The following RCBTB1 variants were observed in gnomAD, a reference collection of about 807,000 sequenced individuals.
The protein encoded by RCBTB1 is RCC1 and BTB domain containing protein 1.
In RCBTB1, 46 loss-of-function variants were observed where a neutral mutation model predicts 62.4. The observed-to-expected ratio is 0.74, with a 90% CI of 0.58 to 0.94. The LOEUF (loss-of-function observed/expected upper bound fraction) is 0.94, where lower values mean the gene tolerates loss of function less well. RCBTB1 is among the 40% of genes least tolerant of loss of function. RCBTB1 has a pLI of 0.00. For synonymous variants in RCBTB1, 222 were observed against 245.8 expected (o/e 0.90, Z 0.91); for missense variants, 565 against 654.9 (o/e 0.86, Z 1.50).
In RCBTB1 at chr13:49,560,112, A is replaced by G; in HGVS notation, c.278-28T>C. The G allele has an allele frequency of 2.5e-6, 4 of 1,603,838 alleles. No homozygotes were observed. The South Asian group carries it at 4.5e-5, about 18-fold the overall frequency. On this transcript the variant is annotated intron_variant, in intron 4 of 12. Transcript: ENST00000378302. Reference sequence around the variant, plus strand: ...GTGCACACAAAGCACACAAAAAATCAGCTCCAAAAAGAAATAGTAACCCTG... The same window carrying G: ...GTGCACACAAAGCACACAAAAAATCGGCTCCAAAAAGAAATAGTAACCCTG...
At position 49,534,005 on chromosome 13, in the gene RCBTB1, G is replaced by A; in HGVS notation, c.*117C>T. The A allele has an allele frequency of 1.7e-6, 2 of 1,163,136 alleles. No individual in the cohort carries two copies. The highest frequency in any genetic ancestry group is 2.4e-6 in the Non-Finnish European group (2 of 831,974). 72.1% of individuals were successfully genotyped at this position (1,163,136 alleles called of 1,614,324 possible). ...CACAAACAACTGTGTCCCAGATGTG[G>A]AAAAAAACAACCTGATGGTCTTTTA... On this transcript the variant is annotated 3_prime_UTR_variant, in exon 13 of 13. Coordinates refer to ENST00000378302, the MANE Select transcript of RCBTB1 (RefSeq NM_018191.4).
chr13:49,544,692 A>T, intron 10 of RCBTB1, 45 bp downstream of exon 10: 2 of 1,539,796 alleles, frequency 1.3e-6, no homozygotes, highest in Non-Finnish European at 1.8e-6. Context: ...ATAACAAAGA[A>T]AGAAAAGTCA....
chr13:49,535,029 T>G (rs1023374629), intron 12 of RCBTB1, among the ~76,000 whole-genome samples: 1 of 152,148 alleles, frequency 6.6e-6, no homozygotes, highest in African/African-American at 2.4e-5. Flanking sequence ...GCAGAGGCTC[T>G]GAAAGAAAAT....
In RCBTB1 at chr13:49,551,269, C is replaced by T. The variant is rs1037684630; in HGVS notation, c.854+57G>A. 5.7e-6 allele frequency: 9 copies of T among 1,591,294 alleles called. No homozygotes were observed. In the African/African-American group the frequency reaches 1.1e-4, roughly 19 times the overall value. ...AGCCAAACACCACAGCTCTGCCACA[C>T]ACAGCCCCAAGGCCACATCGCACAC... On this transcript the variant is annotated intron_variant, in intron 8 of 12. Coordinates refer to ENST00000378302, the MANE Select transcript of RCBTB1 (RefSeq NM_018191.4).
rs996152953 is a variant in RCBTB1, at chr13:49,533,929, G to T, written c.*193C>A. 17 of 485,460 alleles carry T rather than the reference G, an allele frequency of 3.5e-5. No homozygotes were observed. Among genetic ancestry groups the T allele is most frequent in the Non-Finnish European group, 5.4e-5 (15 of 277,836 alleles). 30.1% of individuals were successfully genotyped at this position (485,460 alleles called of 1,614,324 possible). A position where few individuals can be genotyped will look rare whatever the true frequency, so the allele number is the denominator to read the frequency against. ...TAAAATACACTTATCTGGAAACAAG[G>T]GTTGTTTAAAATGGGCTCAAGAAAA... On this transcript the variant is annotated 3_prime_UTR_variant, in exon 13 of 13. Coordinates refer to ENST00000378302, the MANE Select transcript of RCBTB1 (RefSeq NM_018191.4).
chr13:49,540,730 G>T (rs1233421192), intron 12 of RCBTB1, 146 bp downstream of exon 12: 11 of 772,614 alleles, frequency 1.4e-5, no homozygotes, highest in Non-Finnish European at 2.2e-5. Context: ...AAGAAGCAAG[G>T]GCAGATTTCA....
intron 9 of RCBTB1, chr13:49,546,802 T>C (rs567598851): frequency 1.8e-5 from 4 of 223,872 alleles, no homozygotes; most frequent in Admixed American, 6.5e-5. Flanking sequence ...GGAGCAGCTG[T>C]AAATACAGAT....
At chr13:49,558,329 C>A (rs1438519682) in intron 5 of RCBTB1, among the ~76,000 whole-genome samples, 1 of 152,032 alleles carries the variant, frequency 6.6e-6, no homozygotes, top group African/African-American at 2.4e-5. Context: ...CACATGCAAC[C>A]CTGAACTGGA....
chr13:49,574,928 TACA>T (rs80006341), intron 2 of RCBTB1, among the ~76,000 whole-genome samples: 33,770 of 151,980 alleles, frequency 0.22, 4,595 homozygotes, highest in East Asian at 0.55. Flanking sequence ...TTCTGATACA[TACA>T]ACAACAGGGA....
At chr13:49,544,652 G>T (rs1454578351) in intron 10 of RCBTB1, 85 bp downstream of exon 10, 50 of 1,110,288 alleles carry the variant, frequency 4.5e-5, no homozygotes, top group Non-Finnish European at 6.3e-5. Context: ...TACTACCAAG[G>T]CTATTTTTTA....
At chr13:49,554,698 T>C (rs1961697807) in intron 6 of RCBTB1, among the ~76,000 whole-genome samples, 1 of 152,188 alleles carries the variant, frequency 6.6e-6, no homozygotes, top group Admixed American at 6.5e-5. Flanking sequence ...ACAAGGCATC[T>C]AGGCTGTGCG....
At position 49,565,264 on chromosome 13, in the gene RCBTB1, G is replaced by C. The variant is rs1962839346; in HGVS notation, c.277+1354C>G. ...GCTCCTAACCGCGAGTGATCTGCCA[G>C]CCTCGGCCTCCCGAGGTGCCGAGAT... On this transcript the variant is annotated intron_variant, in intron 4 of 12. Coordinates refer to ENST00000378302, the MANE Select transcript of RCBTB1 (RefSeq NM_018191.4). 3.3e-5 allele frequency among the ~76,000 whole-genome samples: 5 copies of C among 152,326 alleles called. No homozygotes were observed. In the South Asian group the frequency reaches 1.0e-3, roughly 32 times the overall value.
At chr13:49,551,924 G>A (rs894017778) in intron 7 of RCBTB1, among the ~76,000 whole-genome samples, 4 of 142,788 alleles carry the variant, frequency 2.8e-5, no homozygotes, top group Middle Eastern at 3.8e-3. Flanking sequence ...AAAAGCATTA[G>A]AAAAGCCTAA....
At chr13:49,549,131 CAATA>C (rs1961093297) in intron 9 of RCBTB1, among the ~76,000 whole-genome samples, 1 of 70,150 alleles carries the variant, frequency 1.4e-5, no homozygotes, top group South Asian at 4.5e-4. Context: ...GATTCTGTCT[CAATA>C]AAAAAAAAAA....
chr13:49,542,027 C>T (rs1047731440), intron 10 of RCBTB1, among the ~76,000 whole-genome samples, 200 bp from the exon 11 acceptor site: 5 of 152,034 alleles, frequency 3.3e-5, no homozygotes, highest in African/African-American at 1.2e-4. Flanking sequence ...CCAGCCTGAC[C>T]AACATGGATA....
At chr13:49,582,640 T>C (rs1033670070) in intron 1 of RCBTB1, among the ~76,000 whole-genome samples, 2 of 152,218 alleles carry the variant, frequency 1.3e-5, no homozygotes, top group African/African-American at 4.8e-5. Flanking sequence ...ATACTCATTC[T>C]CTCATTCTCA....
chr13:49,576,359 T>C (rs1289021643), intron 2 of RCBTB1, among the ~76,000 whole-genome samples: 1 of 151,994 alleles, frequency 6.6e-6, no homozygotes, highest in African/African-American at 2.4e-5. Flanking sequence ...TTTTTTAAAA[T>C]CAAATAATCA....
At chr13:49,570,412 G>C (rs1220024351) in intron 2 of RCBTB1, among the ~76,000 whole-genome samples, 1 of 152,144 alleles carries the variant, frequency 6.6e-6, no homozygotes, top group Non-Finnish European at 1.5e-5. Context: ...TCAAGAAATA[G>C]GTCATGTATC....
intron 2 of RCBTB1, among the ~76,000 whole-genome samples, chr13:49,572,201 C>G (rs547901882): frequency 6.6e-6 from 1 of 151,986 alleles, no homozygotes; most frequent in Admixed American, 6.6e-5. Context: ...GTGGCATGCA[C>G]CTGGTGTCCC....
Sources: allele counts gnomAD v4.1 joint callset (sites outside exome capture counted in the v4.1 genomes callset), GRCh38; gene constraint gnomAD v4.1.1; transcripts MANE v1.5; gene names NCBI Gene and HGNC (gene_info 2026-07-23, HGNC 2026-07-21).